The following TMEM161B variants were observed in gnomAD, a reference collection of about 807,000 sequenced individuals.
TMEM161B encodes transmembrane protein 161B.
In TMEM161B, 34 loss-of-function variants were observed where a neutral mutation model predicts 61.8. The observed-to-expected ratio is 0.55, with a 90% CI of 0.42 to 0.73. The LOEUF (loss-of-function observed/expected upper bound fraction) is 0.73, where lower values mean the gene tolerates loss of function less well. Ranked by LOEUF, TMEM161B falls within the 30% of genes least tolerant of loss-of-function variation. TMEM161B has a pLI of 0.00. For synonymous variants in TMEM161B, 167 were observed against 192.8 expected (o/e 0.87, Z 1.11); for missense variants, 456 against 558.5 (o/e 0.82, Z 1.85).
At chr5:88,232,245 A>G (rs1266687774) in intron 2 of TMEM161B, among the ~76,000 whole-genome samples, 2 of 152,216 alleles carry the variant, frequency 1.3e-5, no homozygotes, top group Non-Finnish European at 2.9e-5. Context: ...AACCAGGAAC[A>G]TGCATGTATG....
intron 4 of TMEM161B, among the ~76,000 whole-genome samples, chr5:88,222,401 A>C (rs1749168401): frequency 6.6e-6 from 1 of 152,062 alleles, no homozygotes; most frequent in Non-Finnish European, 1.5e-5. Flanking sequence ...ATTGACCTAC[A>C]GTTTCTGAAC....
At position 88,268,736 on chromosome 5, in the gene TMEM161B, A is replaced by G; in HGVS notation, c.-13T>C. The G allele has an allele frequency of 6.2e-7, 1 of 1,614,008 alleles. No homozygotes were observed. Among genetic ancestry groups the G allele is most frequent in the Non-Finnish European group, 8.5e-7 (1 of 1,179,960 alleles). On this transcript the variant is annotated 5_prime_UTR_variant, in exon 1 of 12. Transcript: ENST00000296595. ...AAGAACTCACCATGGCGCCTAGGAT[A>G]GGTCGTGGACCAGACACCCTGGAGT...
In TMEM161B at chr5:88,223,306, T is replaced by C. The variant is rs543391587; in HGVS notation, c.289+2463A>G. Among the ~76,000 whole-genome samples, 10 of 151,622 alleles carry C rather than the reference T, an allele frequency of 6.6e-5. No individual in the cohort carries two copies. In the South Asian group the frequency reaches 1.9e-3, roughly 28 times the overall value. On this transcript the variant is annotated intron_variant, in intron 4 of 11. Coordinates refer to ENST00000296595, the MANE Select transcript of TMEM161B (RefSeq NM_153354.5). Reference sequence around the variant, plus strand: ...CAGATGGGGTAATACAAGTAAAATATTATAACAATGTCTGATACTCAATAA... The same window carrying C: ...CAGATGGGGTAATACAAGTAAAATACTATAACAATGTCTGATACTCAATAA...
chr5:88,207,898 C>T (rs902077776), intron 5 of TMEM161B, among the ~76,000 whole-genome samples: 5 of 152,144 alleles, frequency 3.3e-5, no homozygotes, highest in Admixed American at 3.3e-4. Flanking sequence ...GTAACCTTTA[C>T]GTAAAGTTTA....
chr5:88,201,328 A>C (rs969865086), intron 9 of TMEM161B: 7 of 152,046 alleles, frequency 4.6e-5, no homozygotes, highest in African/African-American at 1.7e-4. Context: ...ATCCACATGA[A>C]GTTTAATCAG....
chr5:88,236,842 AC>A (rs1359869095), intron 2 of TMEM161B, among the ~76,000 whole-genome samples: 10 of 152,222 alleles, frequency 6.6e-5, no homozygotes, highest in Non-Finnish European at 1.0e-4. Context: ...ATTCTAAAAG[AC>A]GAAGTATGGC....
At chr5:88,241,233 C>T (rs377511254) in intron 1 of TMEM161B, among the ~76,000 whole-genome samples, 4 of 151,636 alleles carry the variant, frequency 2.6e-5, no homozygotes, top group Admixed American at 6.6e-5. Context: ...TATAGGAGGA[C>T]GTGCATAGGT....
At chr5:88,208,222 G>A (rs1745925090) in intron 5 of TMEM161B, among the ~76,000 whole-genome samples, 1 of 152,106 alleles carries the variant, frequency 6.6e-6, no homozygotes, top group Non-Finnish European at 1.5e-5. Context: ...GGTGGCTCAC[G>A]CCTGTGATCC....
chr5:88,195,522 G>T lies in TMEM161B; in HGVS notation c.*689C>A, dbSNP rs1436014414. 3.0e-6 allele frequency: 3 copies of T among 985,034 alleles called. No individual in the cohort carries two copies. Among genetic ancestry groups the T allele is most frequent in the Non-Finnish European group, 3.6e-6 (3 of 829,584 alleles). 61.0% of individuals were successfully genotyped at this position (985,034 alleles called of 1,614,324 possible). On this transcript the variant is annotated 3_prime_UTR_variant, in exon 12 of 12. Coordinates refer to ENST00000296595, the MANE Select transcript of TMEM161B (RefSeq NM_153354.5). ...AAATATGGCAGGTCCAAACCTAATG[G>T]CAAGATTACAAATGTTCATATGGCC...
chr5:88,187,732 T>C (rs1394756764), downstream of TMEM161B, among the ~76,000 whole-genome samples: 3 of 151,218 alleles, frequency 2.0e-5, no homozygotes, highest in Non-Finnish European at 4.4e-5. Flanking sequence ...GATAAGAATA[T>C]AATCAACTTC....
intron 5 of TMEM161B, among the ~76,000 whole-genome samples, chr5:88,219,462 T>A (rs867575241): frequency 1.8e-4 from 27 of 152,232 alleles, no homozygotes; most frequent in Middle Eastern, 3.4e-3. Flanking sequence ...AGGGAACATA[T>A]ATAATTTTAA....
chr5:88,256,723 T>C (rs528475890), intron 1 of TMEM161B, among the ~76,000 whole-genome samples: 1 of 152,314 alleles, frequency 6.6e-6, no homozygotes, highest in African/African-American at 2.4e-5. Flanking sequence ...GGGTGGGAGA[T>C]GGCAGATATT....
chr5:88,224,998 C>T lies in TMEM161B; in HGVS notation c.289+771G>A, dbSNP rs187963623. 9.2e-3 allele frequency among the ~76,000 whole-genome samples: 1,151 copies of T among 124,978 alleles called. 12 individuals are homozygous for T. Among genetic ancestry groups the T allele is most frequent in the African/African-American group, 0.027 (863 of 32,308 alleles). The allele number at this position is 124,978 out of a possible 152,430, so 82.0% of individuals were successfully genotyped here. On this transcript the variant is annotated intron_variant, in intron 4 of 11. Transcript: ENST00000296595. ...TTTTTTTTTTTTTGAGACGGAGTCT[C>T]GCTCTGTCGCCCAGGCTGGAGTGCG...
intron 8 of TMEM161B, among the ~76,000 whole-genome samples, chr5:88,203,721 T>C (rs1340775638): frequency 7.3e-6 from 1 of 136,912 alleles, no homozygotes; most frequent in African/African-American, 2.9e-5. Context: ...TTTGAATGAG[T>C]ATGAACACAC....
At chr5:88,200,879 T>G (rs1394334343) in intron 9 of TMEM161B, 1 of 152,008 alleles carries the variant, frequency 6.6e-6, no homozygotes. Flanking sequence ...CTCAAACACA[T>G]TTCTGGGTTG....
chr5:88,189,217 CT>C (rs879389120), downstream of TMEM161B, among the ~76,000 whole-genome samples: 51 of 148,908 alleles, frequency 3.4e-4, no homozygotes, highest in Admixed American at 5.4e-4. Context: ...ACTATTTTAA[CT>C]TTTTTTTTTT....
intron 4 of TMEM161B, among the ~76,000 whole-genome samples, chr5:88,224,959 GTTTTTGTT>G (rs1490085226): frequency 2.4e-4 from 24 of 101,216 alleles, no homozygotes; most frequent in African/African-American, 6.6e-4. Context: ...CACAAAATAT[GTTTTTGTT>G]TTTTTTTTTT....
chr5:88,189,854 CT>C (rs1748607716), exon 13 of TMEM161B: 1 of 560,508 alleles, frequency 1.8e-6, no homozygotes, highest in East Asian at 3.0e-5. Flanking sequence ...ATCCTTTTTC[CT>C]GACATACTTT....
chr5:88,241,092 G>C (rs574804324), intron 1 of TMEM161B, among the ~76,000 whole-genome samples, 176 bp from the exon 2 acceptor site: 1 of 151,622 alleles, frequency 6.6e-6, no homozygotes, highest in South Asian at 2.1e-4. Flanking sequence ...TCAAAAATAT[G>C]CAGGAAAAAA....
Sources: allele counts gnomAD v4.1 joint callset (sites outside exome capture counted in the v4.1 genomes callset), GRCh38; gene constraint gnomAD v4.1.1; transcripts MANE v1.5; gene names NCBI Gene and HGNC (gene_info 2026-07-23, HGNC 2026-07-21).